Variants in MYRFL observed in about 807,000 individuals in gnomAD.
MYRFL encodes the protein myelin regulatory factor like.
In MYRFL, 88 loss-of-function variants were observed where a neutral mutation model predicts 109.4. That is an observed-to-expected ratio of 0.80 (90% CI 0.68 to 0.96). The LOEUF (loss-of-function observed/expected upper bound fraction) is 0.96. Ranked by LOEUF, MYRFL falls within the 40% of genes least tolerant of loss-of-function variation. MYRFL has a pLI of 0.00. For synonymous variants in MYRFL, 324 were observed against 320.9 expected (o/e 1.01, Z -0.10); for missense variants, 957 against 954.9 (o/e 1.00, Z -0.03).
chr12:69,952,488 G>A (rs1393031873), intron 20 of MYRFL, among the ~76,000 whole-genome samples: 1 of 152,162 alleles, frequency 6.6e-6, no homozygotes, highest in African/African-American at 2.4e-5. Context: ...TGCATTTCAT[G>A]TTGCACCTCC....
chr12:69,923,061 T>G (rs1954961260), intron 13 of MYRFL, among the ~76,000 whole-genome samples: 1 of 152,164 alleles, frequency 6.6e-6, no homozygotes, highest in Admixed American at 6.5e-5. Context: ...AGGTAAATAA[T>G]AAACTATTTT....
intron 2 of MYRFL, among the ~76,000 whole-genome samples, chr12:69,867,941 G>A (rs1003794006): frequency 6.6e-6 from 1 of 152,036 alleles, no homozygotes; most frequent in Non-Finnish European, 1.5e-5. Flanking sequence ...CAGATGAAAC[G>A]ACCTATAATA....
chr12:69,874,973 ATAAATGTATATAT>A (rs1161098985), intron 2 of MYRFL, among the ~76,000 whole-genome samples: 4 of 151,378 alleles, frequency 2.6e-5, no homozygotes, highest in African/African-American at 9.6e-5. Context: ...CTTTAAAGAT[ATAAATGTATATAT>A]CTAAGATATA....
intron 19 of MYRFL, among the ~76,000 whole-genome samples, chr12:69,949,381 T>C (rs1955917292): frequency 6.6e-6 from 1 of 152,228 alleles, no homozygotes; most frequent in Non-Finnish European, 1.5e-5. Context: ...TTCATCTGAA[T>C]GGTTACCTTT....
chr12:69,881,518 C>T (rs1886107712), intron 5 of MYRFL, among the ~76,000 whole-genome samples: 1 of 152,184 alleles, frequency 6.6e-6, no homozygotes, highest in Non-Finnish European at 1.5e-5. Context: ...GCTGCCTTTT[C>T]CTTTGACAGC....
chr12:69,846,773 A>G (rs2136318936), intron 1 of MYRFL, among the ~76,000 whole-genome samples: 1 of 151,990 alleles, frequency 6.6e-6, no homozygotes, highest in South Asian at 2.1e-4. Context: ...GAATCGCCAC[A>G]CTGACTTCCA....
intron 13 of MYRFL, among the ~76,000 whole-genome samples, chr12:69,922,003 G>A (rs1954928859): frequency 1.3e-5 from 2 of 152,076 alleles, no homozygotes; most frequent in South Asian, 4.1e-4. Context: ...TAAAGAAGGA[G>A]ATGGTTACCA....
chr12:69,865,040 G>A (rs919757724), intron 2 of MYRFL, among the ~76,000 whole-genome samples: 2 of 152,158 alleles, frequency 1.3e-5, no homozygotes, highest in African/African-American at 4.8e-5. Flanking sequence ...CTTCATCAAA[G>A]AGCTGTCTTT....
At chr12:69,882,809 A>T (rs905755181) in intron 5 of MYRFL, among the ~76,000 whole-genome samples, 1 of 152,302 alleles carries the variant, frequency 6.6e-6, no homozygotes, top group South Asian at 2.1e-4. Flanking sequence ...CCTCAAATAC[A>T]AAAGGGTTTT....
chr12:69,879,084 C>T lies in MYRFL; in HGVS notation c.194C>T (p.Pro65Leu), dbSNP rs996549559. 2 of 703,014 alleles carry T rather than the reference C, an allele frequency of 2.8e-6. No homozygotes were observed. 43.5% of individuals were successfully genotyped at this position (703,014 alleles called of 1,614,324 possible). A position where few individuals can be genotyped will look rare whatever the true frequency, so the allele number is the denominator to read the frequency against. Residue 65 changes from proline (P) to leucine (L), a missense_variant, in exon 3 of 25, where the codon CCG becomes CTG. Transcript: ENST00000552032. The stretch of plus-strand genomic sequence containing the variant: ...TCTGCATCCGACTCATGCTCTCCTC[C>T]GCAGGTCAAAGGTGAGTGCGATCCA... ...PYSASDSCSP[P>L]QVKGACYPTL...
At chr12:69,885,214 T>C (rs534978529) in intron 5 of MYRFL, among the ~76,000 whole-genome samples, 1 of 152,264 alleles carries the variant, frequency 6.6e-6, no homozygotes, top group East Asian at 1.9e-4. Context: ...GGAAAAAAAG[T>C]TTTTCAGTGT....
intron 16 of MYRFL, 52 bp from the exon 17 acceptor site, chr12:69,936,061 C>G: frequency 7.3e-7 from 1 of 1,373,280 alleles, no homozygotes; most frequent in Non-Finnish European, 9.4e-7. Context: ...TATCTGGAAA[C>G]AAATCTGCCA....
intron 1 of MYRFL, among the ~76,000 whole-genome samples, chr12:69,851,102 A>T (rs1326903987): frequency 6.6e-6 from 1 of 152,214 alleles, no homozygotes; most frequent in Non-Finnish European, 1.5e-5. Context: ...ATTTAACCAT[A>T]AGATAATAGG....
intron 7 of MYRFL, 53 bp from the exon 8 acceptor site, chr12:69,893,710 GA>G: frequency 8.8e-7 from 1 of 1,138,848 alleles, no homozygotes; most frequent in Non-Finnish European, 1.2e-6. Flanking sequence ...ATTCTTTGCT[GA>G]TTAACATTTT....
At chr12:69,875,240 T>C (rs1885591728) in intron 2 of MYRFL, among the ~76,000 whole-genome samples, 1 of 151,844 alleles carries the variant, frequency 6.6e-6, no homozygotes, top group African/African-American at 2.4e-5. Flanking sequence ...TGTCTATTGA[T>C]GTATCTTTGA....
intron 2 of MYRFL, among the ~76,000 whole-genome samples, chr12:69,855,932 T>A (rs562220575): frequency 1.3e-5 from 2 of 152,322 alleles, no homozygotes; most frequent in South Asian, 4.1e-4. Context: ...ATATAGGCAC[T>A]CTGGCCTTTT....
At chr12:69,848,825 C>T (rs537835558) in intron 1 of MYRFL, among the ~76,000 whole-genome samples, 1 of 152,048 alleles carries the variant, frequency 6.6e-6, no homozygotes, top group Admixed American at 6.6e-5. Context: ...TACAGTAGTT[C>T]TAATTTTCTA....
intron 19 of MYRFL, among the ~76,000 whole-genome samples, chr12:69,942,955 C>A (rs1423554359): frequency 6.6e-6 from 1 of 151,880 alleles, no homozygotes. Flanking sequence ...GAATAAAATA[C>A]CTAGGAATCC....
chr12:69,930,613 GTT>G (rs540564058), intron 15 of MYRFL, among the ~76,000 whole-genome samples: 17 of 151,964 alleles, frequency 1.1e-4, no homozygotes, highest in Admixed American at 1.3e-4. Context: ...GAGCCCAGGA[GTT>G]CAAGACTGGC....
Sources: gnomAD v4.1 joint callset for allele counts (sites outside exome capture counted in the v4.1 genomes callset) on GRCh38, gnomAD v4.1.1 for gene constraint, MANE v1.5 for transcripts, NCBI Gene and HGNC (gene_info 2026-07-23, HGNC 2026-07-21) for gene names.